Variants in SPEF2 observed in about 807,000 individuals in gnomAD.
SPEF2 encodes the protein sperm flagella and cilia-associated protein 2.
SPEF2 carries 187 observed loss-of-function variants against 224.6 expected under a neutral mutation model. The ratio of observed to expected loss-of-function variants is 0.83; its 90% CI spans 0.74 to 0.94. SPEF2 has a LOEUF of 0.94. Among genes scored for constraint, SPEF2 ranks in the 40% least tolerant of loss-of-function variants. The pLI is 0.00. For missense variants in SPEF2, 2,170 were observed against 2,135.6 expected (o/e 1.02, Z -0.32); for synonymous variants, 715 against 707.3 (o/e 1.01, Z -0.17).
In SPEF2 at chr5:35,659,052, C is replaced by T; in HGVS notation, c.1012C>T (p.Leu338=). 6.3e-7 allele frequency: 1 copy of T among 1,583,828 alleles called. No homozygotes were observed. The highest frequency in any genetic ancestry group is 1.4e-5 in the African/African-American group (1 of 74,014). The change falls in exon 8 of 37, where the codon CTG becomes TTG. Residue 338 remains leucine, a synonymous_variant. Coordinates refer to ENST00000356031, the MANE Select transcript of SPEF2 (RefSeq NM_024867.4). Reference sequence around the variant, plus strand: ...TCGGGAGGAACAGCTGATTAACCGGCTGATGCGGCAGTCCCAGCAGGAGCG... The same window carrying T: ...TCGGGAGGAACAGCTGATTAACCGGTTGATGCGGCAGTCCCAGCAGGAGCG... ...AYREEQLINR[L]MRQSQQERRI...
rs531314726 is a variant in SPEF2 at position 35,795,016 on chromosome 5, C to G, written c.4738-687C>G. Among the ~76,000 whole-genome samples, 8 of 152,158 alleles carry G rather than the reference C, an allele frequency of 5.3e-5. No individual in the cohort carries two copies. In the South Asian group the frequency reaches 1.5e-3, roughly 28 times the overall value. On this transcript the variant is annotated intron_variant, in intron 32 of 36. Coordinates refer to ENST00000356031, the MANE Select transcript of SPEF2 (RefSeq NM_024867.4). ...CTTGCCAGCTCATTGCCCCTCCCCCCACAATGTTGTTTCAGTGGAAAAATC... is the reference window on the plus strand; with the variant it reads ...CTTGCCAGCTCATTGCCCCTCCCCCGACAATGTTGTTTCAGTGGAAAAATC...
chr5:35,720,947 C>T (rs1339076707), intron 20 of SPEF2, among the ~76,000 whole-genome samples: 1 of 95,708 alleles, frequency 1.0e-5, no homozygotes, highest in African/African-American at 3.1e-5. Flanking sequence ...AATAGAATTC[C>T]AGATTACCAT....
chr5:35,779,014 G>A, intron 29 of SPEF2, 103 bp from the exon 30 acceptor site: 2 of 755,022 alleles, frequency 2.6e-6, no homozygotes, highest in East Asian at 2.8e-5. Flanking sequence ...TTGTCTAAGA[G>A]CTATATAATC....
At chr5:35,785,619 A>C (rs1754994059) in intron 30 of SPEF2, among the ~76,000 whole-genome samples, 1 of 151,000 alleles carries the variant, frequency 6.6e-6, no homozygotes, top group Non-Finnish European at 1.5e-5. Flanking sequence ...ATCATGGCTC[A>C]CTACAGCCTC....
At chr5:35,786,215 G>A (rs1185529722) in intron 30 of SPEF2, among the ~76,000 whole-genome samples, 6 of 152,142 alleles carry the variant, frequency 3.9e-5, no homozygotes, top group Admixed American at 3.3e-4. Context: ...GGCCTAATAC[G>A]GAAGATTGAC....
intron 30 of SPEF2, among the ~76,000 whole-genome samples, chr5:35,782,073 T>C (rs1309915844): frequency 6.6e-6 from 1 of 152,196 alleles, no homozygotes; most frequent in Non-Finnish European, 1.5e-5. Context: ...TTTTTGTTTT[T>C]CTACCCCGGT....
chr5:35,644,494 A>G lies in SPEF2; in HGVS notation c.554A>G (p.Lys185Arg), dbSNP rs2149408859. Reference protein sequence around the residue: ...FEKLERFQKLKEEQRCFDIEK... With the variant: ...FEKLERFQKLREEQRCFDIEK... The stretch of plus-strand genomic sequence containing the variant: ...AAACTTGAAAGATTTCAAAAACTCA[A>G]GGAAGAGCAAAGATGTTTTGATATT... Residue 185 changes from lysine to arginine, a missense_variant, in exon 4 of 37, where the codon AAG becomes AGG. Coordinates refer to ENST00000356031, the MANE Select transcript of SPEF2 (RefSeq NM_024867.4). 1.2e-6 allele frequency: 2 copies of G among 1,603,482 alleles called. No homozygotes were observed. Among genetic ancestry groups the G allele is most frequent in the East Asian group, 4.5e-5 (2 of 44,800 alleles).
chr5:35,635,976 T>C (rs762813168), intron 2 of SPEF2, among the ~76,000 whole-genome samples: 6 of 152,238 alleles, frequency 3.9e-5, no homozygotes, highest in Non-Finnish European at 7.3e-5. Flanking sequence ...TTTTTCCTTG[T>C]GTATAGGTCA....
intron 21 of SPEF2, among the ~76,000 whole-genome samples, chr5:35,733,210 GT>G (rs1169035600): frequency 6.6e-6 from 1 of 152,008 alleles, no homozygotes; most frequent in African/African-American, 2.4e-5. Context: ...CGCCTCCCAG[GT>G]TCATGCCATT....
At chr5:35,644,577 G>T (rs1382470300) in intron 4 of SPEF2, 52 bp downstream of exon 4, 1 of 1,422,692 alleles carries the variant, frequency 7.0e-7, no homozygotes, top group Non-Finnish European at 9.5e-7. Flanking sequence ...TATACAGTTT[G>T]TGATTTATGC....
chr5:35,708,692 T>G (rs76351831), intron 18 of SPEF2, among the ~76,000 whole-genome samples: 2 of 1,234 alleles, frequency 1.6e-3, no homozygotes, highest in East Asian at 0.017. Context: ...TCTACCTCCA[T>G]CACCATCACC....
intron 26 of SPEF2, chr5:35,764,872 C>T: frequency 2.7e-6 from 1 of 367,672 alleles, no homozygotes; most frequent in South Asian, 2.1e-5. Context: ...GATAACTCCT[C>T]TCATTGTTTC....
chr5:35,751,078 T>TACGTATATATATACGTATATATAC (rs1554048783), intron 23 of SPEF2, among the ~76,000 whole-genome samples: 3 of 22,624 alleles, frequency 1.3e-4, no homozygotes, highest in African/African-American at 3.4e-4. Context: ...TATATATATA[T>TACGTATATATATACGTATATATAC]ACACACACAC....
chr5:35,747,713 A>G (rs1363564659), intron 23 of SPEF2, among the ~76,000 whole-genome samples: 1 of 152,186 alleles, frequency 6.6e-6, no homozygotes, highest in Non-Finnish European at 1.5e-5. Context: ...AAGAAATGAG[A>G]TACACAGCAA....
intron 20 of SPEF2, among the ~76,000 whole-genome samples, chr5:35,726,974 T>C (rs1744756358): frequency 9.6e-6 from 1 of 104,320 alleles, no homozygotes; most frequent in African/African-American, 3.4e-5. Context: ...CTCGTTTTCT[T>C]CCCAAGCACC....
intron 1 of SPEF2, among the ~76,000 whole-genome samples, chr5:35,619,021 G>C (rs1254946381): frequency 1.3e-5 from 2 of 152,162 alleles, no homozygotes; most frequent in Non-Finnish European, 2.9e-5. Flanking sequence ...TGCTAGATCG[G>C]TAGTGTTTCT....
At position 35,676,255 on chromosome 5, in the gene SPEF2, C is replaced by T. The variant is rs572327365; in HGVS notation, c.1524+6028C>T. 5.6e-4 allele frequency among the ~76,000 whole-genome samples: 85 copies of T among 152,104 alleles called. 1 individual carries two copies. Among genetic ancestry groups the T allele is most frequent in the Admixed American group, 4.8e-3 (73 of 15,300 alleles). On this transcript the variant is annotated intron_variant, in intron 10 of 36. Transcript: ENST00000356031. ...CTTCCAAGCTCCCTCCTCTGTGAGA[C>T]CAGGGAAAGAGATGGTGGTCAGGGC...
chr5:35,715,933 A>G (rs1471682158), intron 20 of SPEF2, among the ~76,000 whole-genome samples: 1 of 150,480 alleles, frequency 6.6e-6, no homozygotes, highest in African/African-American at 2.4e-5. Context: ...TTAGATTCAT[A>G]TTGAAGGTGC....
At chr5:35,708,538 CA>C (rs1254466181) in intron 18 of SPEF2, among the ~76,000 whole-genome samples, 3 of 6,988 alleles carry the variant, frequency 4.3e-4, no homozygotes. Flanking sequence ...TGCCAACCAC[CA>C]CCATCACCAC....
Sources: gnomAD v4.1 joint callset for allele counts (sites outside exome capture counted in the v4.1 genomes callset) on GRCh38, gnomAD v4.1.1 for gene constraint, MANE v1.5 for transcripts, NCBI Gene and HGNC (gene_info 2026-07-23, HGNC 2026-07-21) for gene names.